The following PNN variants were observed in gnomAD, a reference collection of about 807,000 sequenced individuals.
PNN encodes pinin, desmosome associated protein, also known as pinin.
Under a neutral mutation model 76.6 loss-of-function variants are expected in PNN, and 38 were observed. The ratio of observed to expected loss-of-function variants is 0.50; its 90% CI spans 0.38 to 0.65. The LOEUF (loss-of-function observed/expected upper bound fraction) is 0.65. Ranked by LOEUF, PNN falls within the 30% of genes least tolerant of loss-of-function variation. The pLI, the probability that PNN is intolerant of heterozygous loss-of-function variation, is 0.00. For missense variants in PNN, 873 were observed against 874.1 expected, an observed-to-expected ratio of 1.00 and a Z score of 0.02; for synonymous variants, 366 against 283.7, an observed-to-expected ratio of 1.29 and a Z score of -2.91.
At chr14:39,177,736 G>A (rs1274954870) in intron 5 of PNN, 49 bp downstream of exon 5, 22 of 1,480,654 alleles carry the variant, frequency 1.5e-5, no homozygotes, top group Non-Finnish European at 2.1e-5. Context: ...CAGTTATAAG[G>A]AAAATCAAGG....
Position 39,181,767 on chromosome 14 carries a change from C to G in PNN, c.2058C>G (p.Asp686Glu). 3 of 1,614,042 alleles carry G rather than the reference C, an allele frequency of 1.9e-6. No individual in the cohort carries two copies. Among genetic ancestry groups the G allele is most frequent in the Non-Finnish European group, 2.5e-6 (3 of 1,179,968 alleles). Reference sequence around the variant, plus strand: ...CAAAGGATAAGAATTCCCGGTCCGACAGAAAGAGGTCTATATCAGAGAGTA... The same window carrying G: ...CAAAGGATAAGAATTCCCGGTCCGAGAGAAAGAGGTCTATATCAGAGAGTA... ...KGSKDKNSRS[D>E]RKRSISESSR... is the part of the protein sequence containing the mutation. Residue 686 changes from aspartate (D) to glutamate (E), a missense_variant, in exon 9 of 9, where the codon GAC becomes GAG. Transcript: ENST00000216832.
At chr14:39,179,027 A>G in intron 6 of PNN, 64 bp from the exon 7 acceptor site, 1 of 1,443,616 alleles carries the variant, frequency 6.9e-7, no homozygotes, top group Non-Finnish European at 9.5e-7. Context: ...AACTGAAATC[A>G]TATATACCTT....
intron 3 of PNN, among the ~76,000 whole-genome samples, chr14:39,176,940 G>A (rs751945543): frequency 7.9e-5 from 12 of 152,212 alleles, no homozygotes; most frequent in Non-Finnish European, 1.2e-4. Flanking sequence ...TGGTTTGGGC[G>A]TTAGTTCACA....
In PNN at chr14:39,182,764, A is replaced by C. The variant is rs1010911756; in HGVS notation, c.*901A>C. The C allele has an allele frequency of 6.5e-6, 1 of 152,792 alleles. No homozygotes were observed. The highest frequency in any genetic ancestry group is 2.4e-5 in the African/African-American group (1 of 41,596). The allele number at this position is 152,792 out of a possible 1,614,324, so 9.5% of individuals were successfully genotyped here. Reference sequence around the variant, plus strand: ...TGTTTTCAAGAATTTTGTTTAAGGAAGTATTGTATGGAAGTCCACAAAATG... The same window carrying C: ...TGTTTTCAAGAATTTTGTTTAAGGACGTATTGTATGGAAGTCCACAAAATG... On this transcript the variant is annotated 3_prime_UTR_variant, in exon 9 of 9. Coordinates refer to ENST00000216832, the MANE Select transcript of PNN (RefSeq NM_002687.4).
rs766286129 is a variant in PNN, at chr14:39,177,946, A to G, written c.498+30A>G. ...TTATCCAAGTTTTGTTTTGCATCAT[A>G]TATTTAAGTTATCAAAGTAGTAGAT... On this transcript the variant is annotated intron_variant, in intron 6 of 8. Transcript: ENST00000216832. 16 of 1,332,784 alleles carry G rather than the reference A, an allele frequency of 1.2e-5. No homozygotes were observed. The East Asian group carries it at 2.5e-4, about 21-fold the overall frequency. 82.6% of individuals were successfully genotyped at this position (1,332,784 alleles called of 1,614,324 possible). A position where few individuals can be genotyped will look rare whatever the true frequency, so the allele number is the denominator to read the frequency against.
At chr14:39,176,722 C>A in intron 3 of PNN, 127 bp downstream of exon 3, 1 of 659,492 alleles carries the variant, frequency 1.5e-6, no homozygotes, top group Non-Finnish European at 2.6e-6. Flanking sequence ...TCCCTGCCCC[C>A]CCCAAGTTCT....
Position 39,179,097 on chromosome 14 carries a change from C to T in PNN, c.505C>T (p.Arg169Trp), listed in dbSNP as rs896977864. The part of the protein sequence containing the change: ...ESTVATERQK[R>W]RQEIEQKLEV... ...CAGGCTACTTAACTTTTAGCAAAAG[C>T]GGCGCCAGGAAATTGAACAAAAACT... Residue 169 changes from arginine (R) to tryptophan (W), a missense_variant, in exon 7 of 9, where the codon CGG becomes TGG. This residue lies in a region of PNN where 712 missense variants were observed against 693.1 expected (regional missense o/e 1.03). Transcript: ENST00000216832. 2.5e-6 allele frequency: 4 copies of T among 1,608,558 alleles called. No homozygotes were observed. Among genetic ancestry groups the T allele is most frequent in the East Asian group, 2.2e-5 (1 of 44,854 alleles).
chr14:39,181,108 G>C lies in PNN; in HGVS notation c.1399G>C (p.Glu467Gln), dbSNP rs372686191. 6.2e-7 allele frequency: 1 copy of C among 1,613,510 alleles called. No homozygotes were observed. The highest frequency in any genetic ancestry group is 1.3e-5 in the African/African-American group (1 of 74,878). ...TGAGGAAAAAGAAGAAAAAGAATCT[G>C]AGCCCCAACCTGAGCCTGTGGCTCA... ...ESEEKEEKES[E>Q]PQPEPVAQPQ... The change falls in exon 9 of 9, where the codon GAG (glutamate) becomes CAG (glutamine). Residue 467 changes from glutamate to glutamine, a missense_variant. Coordinates refer to ENST00000216832, the MANE Select transcript of PNN (RefSeq NM_002687.4).
At chr14:39,175,691 C>G (rs2053217583) in intron 1 of PNN, 1 of 484,146 alleles carries the variant, frequency 2.1e-6, no homozygotes, top group Middle Eastern at 5.5e-4. Context: ...AGGCCCGGAA[C>G]TGCAGCACAA....
chr14:39,181,107 T>C lies in PNN; in HGVS notation c.1398T>C (p.Ser466=). The change falls in exon 9 of 9, where the codon TCT becomes TCC. Residue 466 remains serine (S), a synonymous_variant. Transcript: ENST00000216832. ...CTGAGGAAAAAGAAGAAAAAGAATC[T>C]GAGCCCCAACCTGAGCCTGTGGCTC... is the stretch of plus-strand genomic sequence containing the variant. ...KESEEKEEKE[S]EPQPEPVAQP... The C allele has an allele frequency of 6.2e-7, 1 of 1,613,668 alleles. No individual in the cohort carries two copies. Among genetic ancestry groups the C allele is most frequent in the Non-Finnish European group, 8.5e-7 (1 of 1,179,624 alleles).
rs2053225814 is a variant in PNN, at chr14:39,176,516, T to G, written c.186-11T>G. 1 of 1,593,236 alleles carries G rather than the reference T, an allele frequency of 6.3e-7. No homozygotes were observed. Among genetic ancestry groups the G allele is most frequent in the South Asian group, 1.1e-5 (1 of 88,336 alleles). ...TTTCAAGTGTTTTATGTTGAACATT[T>G]TAAATTTCAGGCGTGGATTCTCAGA... On this transcript the variant is annotated splice_polypyrimidine_tract_variant and intron_variant, in intron 2 of 8. Transcript: ENST00000216832.
chr14:39,178,439 A>G (rs889261217), intron 6 of PNN, among the ~76,000 whole-genome samples: 4 of 152,154 alleles, frequency 2.6e-5, no homozygotes, highest in African/African-American at 9.7e-5. Context: ...GGCGGAGGCA[A>G]GAGAATCACT....
In PNN at chr14:39,181,915, TAAA is replaced by T. The variant is rs1566559935; in HGVS notation, c.*56_*58del. The stretch of plus-strand genomic sequence containing the variant: ...TTCTTTGCAGCAGAAGATTTCTTGA[TAAA>T]AAAGGATTACCTTTCCTTGTAAAGA... On this transcript the variant is annotated 3_prime_UTR_variant, in exon 9 of 9. Coordinates refer to ENST00000216832, the MANE Select transcript of PNN (RefSeq NM_002687.4). 1 of 1,498,948 alleles carries T rather than the reference TAAA, an allele frequency of 6.7e-7. No homozygotes were observed. The highest frequency in any genetic ancestry group is 8.9e-7 in the Non-Finnish European group (1 of 1,128,588). 92.9% of individuals were successfully genotyped at this position (1,498,948 alleles called of 1,614,324 possible).
chr14:39,175,979 T>A, intron 1 of PNN, 99 bp from the exon 2 acceptor site: 1 of 683,218 alleles, frequency 1.5e-6, no homozygotes, highest in East Asian at 2.6e-5. Flanking sequence ...TTGGAACTTT[T>A]GTGATTTTTT....
intron 1 of PNN, 29 bp from the exon 2 acceptor site, chr14:39,176,048 AT>A: frequency 3.0e-6 from 4 of 1,332,422 alleles, no homozygotes; most frequent in South Asian, 1.2e-5. Context: ...TCTACATATG[AT>A]TTTGCACTGA....
In PNN at chr14:39,181,703, A is replaced by G; in HGVS notation, c.1994A>G (p.Lys665Arg). ...RDTSGLERSH[K>R]SSKGGSSRDT... ...ACTTCAGGACTAGAAAGAAGTCACAAATCTTCAAAAGGTGGTAGTAGTAGA... is the reference window on the plus strand; with the variant it reads ...ACTTCAGGACTAGAAAGAAGTCACAGATCTTCAAAAGGTGGTAGTAGTAGA... The change falls in exon 9 of 9, where the codon AAA becomes AGA. Residue 665 changes from lysine (K) to arginine (R), a missense_variant. By Grantham distance (26) the Lys-to-Arg change is conservative. This residue lies in a region of PNN where 712 missense variants were observed against 693.1 expected (regional missense o/e 1.03). Coordinates refer to ENST00000216832, the MANE Select transcript of PNN (RefSeq NM_002687.4). 5.6e-6 allele frequency: 9 copies of G among 1,614,170 alleles called. No homozygotes were observed. Among genetic ancestry groups the G allele is most frequent in the Non-Finnish European group, 6.8e-6 (8 of 1,180,028 alleles).
intron 8 of PNN, 53 bp from the exon 9 acceptor site, chr14:39,180,450 C>A (rs894138049): frequency 2.7e-6 from 4 of 1,476,336 alleles, no homozygotes; most frequent in Non-Finnish European, 3.6e-6. Context: ...AAAATTATGG[C>A]TTTGAATTTT....
In PNN at chr14:39,176,261, T is replaced by C. The variant is rs1461866388; in HGVS notation, c.185+112T>C. 7 of 702,998 alleles carry C rather than the reference T, an allele frequency of 1.0e-5. No individual in the cohort carries two copies. In the African/African-American group the frequency reaches 1.2e-4, roughly 13 times the overall value. 43.5% of individuals were successfully genotyped at this position (702,998 alleles called of 1,614,324 possible). On this transcript the variant is annotated intron_variant, in intron 2 of 8. Transcript: ENST00000216832. ...AATAACCCAGTGTTTGTCGTCTTTG[T>C]TTTGTTTAATGTTGTAATAGACTAG...
intron 4 of PNN, 36 bp downstream of exon 4, chr14:39,177,520 C>T (rs1338397605): frequency 4.4e-6 from 7 of 1,576,644 alleles, no homozygotes; most frequent in Non-Finnish European, 5.2e-6. Context: ...GAATGTAGTA[C>T]CTTCACTTTA....
Sources: gnomAD v4.1 joint callset for allele counts (sites outside exome capture counted in the v4.1 genomes callset) on GRCh38, gnomAD v4.1.1 for gene constraint, gnomAD v4.1.1 regional missense constraint, MANE v1.5 for transcripts, NCBI Gene and HGNC (gene_info 2026-07-23, HGNC 2026-07-21) for gene names.